The following SLC8A1 variants were observed in gnomAD, a reference collection of about 807,000 sequenced individuals.
The protein encoded by SLC8A1 is solute carrier family 8 member A1.
In SLC8A1, 18 loss-of-function variants were observed where a neutral mutation model predicts 68.3. That is an observed-to-expected ratio of 0.26 (90% CI 0.18 to 0.39). The LOEUF is 0.39. Among genes scored for constraint, SLC8A1 ranks in the 10% least tolerant of loss-of-function variants. The pLI is 1.00. For missense variants in SLC8A1, 985 were observed against 1,156.7 expected (o/e 0.85, Z 2.15); for synonymous variants, 475 against 415.5 (o/e 1.14, Z -1.74).
chr2:40,361,343 A>T (rs1674558545), intron 2 of SLC8A1, among the ~76,000 whole-genome samples: 1 of 152,192 alleles, frequency 6.6e-6, no homozygotes, highest in Admixed American at 6.5e-5. Context: ...TGTGATATGT[A>T]AGAGGGCTTA....
intron 2 of SLC8A1, among the ~76,000 whole-genome samples, chr2:40,289,203 T>C (rs1269963246): frequency 6.6e-6 from 1 of 150,944 alleles, no homozygotes; most frequent in Admixed American, 6.6e-5. Context: ...AAAAAGTAGG[T>C]AGATTAACCA....
chr2:40,300,222 A>G (rs948913314), intron 2 of SLC8A1, among the ~76,000 whole-genome samples: 1 of 152,180 alleles, frequency 6.6e-6, no homozygotes, highest in Non-Finnish European at 1.5e-5. Flanking sequence ...TGCCAAGTAT[A>G]TACTAAGTAT....
At chr2:40,439,516 T>C (rs1162417507) in intron 1 of SLC8A1, among the ~76,000 whole-genome samples, 1 of 152,160 alleles carries the variant, frequency 6.6e-6, no homozygotes, top group African/African-American at 2.4e-5. Flanking sequence ...CTCTTGGAAC[T>C]GGGGATGTTT....
At chr2:40,458,444 C>T (rs1179351911) in intron 1 of SLC8A1, among the ~76,000 whole-genome samples, 1 of 152,038 alleles carries the variant, frequency 6.6e-6, no homozygotes, top group African/African-American at 2.4e-5. Flanking sequence ...CATGTATCGT[C>T]CCCTGTAAGG....
chr2:40,146,485 G>A (rs548716907), intron 6 of SLC8A1, among the ~76,000 whole-genome samples: 1 of 152,232 alleles, frequency 6.6e-6, no homozygotes, highest in Non-Finnish European at 1.5e-5. Context: ...TTTTCTGGAA[G>A]ACAATTTTGA....
At chr2:40,107,098 T>G (rs2125042155) in exon 8 of SLC8A1, 2 of 151,858 alleles carry the variant, frequency 1.3e-5, no homozygotes, top group Middle Eastern at 6.8e-3. Flanking sequence ...AGAGGACCCA[T>G]GTGGTCAAAG....
intron 1 of SLC8A1, among the ~76,000 whole-genome samples, chr2:40,439,689 G>C (rs1360128693): frequency 6.6e-6 from 1 of 152,130 alleles, no homozygotes; most frequent in African/African-American, 2.4e-5. Flanking sequence ...TCTTCAAGTA[G>C]ATAGCATTTC....
intron 1 of SLC8A1, among the ~76,000 whole-genome samples, chr2:40,507,490 C>G (rs1304133949): frequency 2.6e-5 from 4 of 152,012 alleles, no homozygotes; most frequent in Non-Finnish European, 4.4e-5. Context: ...GGACTGTAAT[C>G]TGAGAATAAT....
At chr2:40,230,148 G>C (rs773773179) in intron 2 of SLC8A1, among the ~76,000 whole-genome samples, 2 of 152,134 alleles carry the variant, frequency 1.3e-5, no homozygotes, top group Non-Finnish European at 2.9e-5. Context: ...TGAAAGACAA[G>C]CCATCCTATG....
At chr2:40,405,792 C>T (rs568893783) in intron 2 of SLC8A1, among the ~76,000 whole-genome samples, 5 of 152,174 alleles carry the variant, frequency 3.3e-5, no homozygotes, top group East Asian at 1.9e-4. Flanking sequence ...CCTCCTATTC[C>T]GGGCAATCCA....
intron 2 of SLC8A1, among the ~76,000 whole-genome samples, chr2:40,186,168 T>C (rs923494025): frequency 1.3e-5 from 2 of 152,354 alleles, no homozygotes; most frequent in South Asian, 2.1e-4. Context: ...TTGTGTTTAC[T>C]ATAAAAGCAA....
chr2:40,411,021 T>C (rs1035662872), intron 2 of SLC8A1, among the ~76,000 whole-genome samples: 26 of 152,030 alleles, frequency 1.7e-4, no homozygotes, highest in African/African-American at 5.6e-4. Context: ...TGAAAAATAA[T>C]TAAGTTTTTT....
intron 1 of SLC8A1, among the ~76,000 whole-genome samples, chr2:40,490,945 G>A (rs1401904431): frequency 1.3e-5 from 2 of 152,062 alleles, no homozygotes; most frequent in African/African-American, 2.4e-5. Flanking sequence ...AATATTTTCT[G>A]AAATCTCAAC....
chr2:40,237,100 G>C (rs904619872), intron 2 of SLC8A1, among the ~76,000 whole-genome samples: 4 of 151,336 alleles, frequency 2.6e-5, no homozygotes, highest in South Asian at 2.1e-4. Context: ...TGCTCTTCTC[G>C]AGGAGTATCT....
chr2:40,253,030 C>G (rs1256468152), intron 2 of SLC8A1, among the ~76,000 whole-genome samples: 1 of 120,480 alleles, frequency 8.3e-6, no homozygotes, highest in Non-Finnish European at 1.8e-5. Flanking sequence ...TATGTATATA[C>G]ATATGTATCA....
chr2:40,372,450 T>C (rs1678414974), intron 2 of SLC8A1, among the ~76,000 whole-genome samples: 1 of 152,146 alleles, frequency 6.6e-6, no homozygotes, highest in Admixed American at 6.6e-5. Flanking sequence ...TTGGGAAATC[T>C]CACTGTCATG....
chr2:40,128,556 C>G (rs2038639943), intron 7 of SLC8A1, among the ~76,000 whole-genome samples: 1 of 152,144 alleles, frequency 6.6e-6, no homozygotes, highest in South Asian at 2.1e-4. Context: ...TTGTGATCAA[C>G]TGACTGAACT....
At chr2:40,435,661 T>C (rs994568488) in intron 1 of SLC8A1, among the ~76,000 whole-genome samples, 1 of 152,160 alleles carries the variant, frequency 6.6e-6, no homozygotes, top group Non-Finnish European at 1.5e-5. Flanking sequence ...GTAGGCAATG[T>C]GGTCACAAAA....
chr2:40,449,297 G>A (rs1702014464), intron 1 of SLC8A1, among the ~76,000 whole-genome samples: 1 of 151,978 alleles, frequency 6.6e-6, no homozygotes, highest in African/African-American at 2.4e-5. Context: ...AACTTCCTTG[G>A]ATCTGCACAG....
Sources: allele counts gnomAD v4.1 joint callset (sites outside exome capture counted in the v4.1 genomes callset), GRCh38; gene constraint gnomAD v4.1.1; transcripts MANE v1.5; gene names NCBI Gene and HGNC (gene_info 2026-07-23, HGNC 2026-07-21).